Variants in TIA1 observed in about 807,000 individuals in gnomAD.
TIA1 encodes the protein cytotoxic granule associated RNA binding protein TIA1.
In TIA1, 23 loss-of-function variants were observed where a neutral mutation model predicts 65.9. That is an observed-to-expected ratio of 0.35 (90% CI 0.25 to 0.49). The LOEUF is 0.49. Ranked by LOEUF, TIA1 falls within the 20% of genes least tolerant of loss-of-function variation. TIA1 has a pLI of 0.98. For missense variants in TIA1, 371 were observed against 477.9 expected, an observed-to-expected ratio of 0.78 and a Z score of 2.09; for synonymous variants, 147 against 149.4, an observed-to-expected ratio of 0.98 and a Z score of 0.12.
intron 6 of TIA1, chr2:70,225,095 T>C: frequency 2.0e-6 from 2 of 995,412 alleles, no homozygotes; most frequent in South Asian, 7.3e-5. Flanking sequence ...CTAATTAAAC[T>C]ATTTAATTTT....
intron 7 of TIA1, among the ~76,000 whole-genome samples, chr2:70,221,109 C>T (rs1040994609): frequency 6.6e-5 from 10 of 152,040 alleles, no homozygotes; most frequent in African/African-American, 2.2e-4. Context: ...CAGGTTCAAG[C>T]GATTCTCCTG....
chr2:70,212,284 GACAA>G lies in TIA1; in HGVS notation c.*431_*434del, dbSNP rs1380519134. 4.5e-5 allele frequency: 7 copies of G among 154,610 alleles called. No individual in the cohort carries two copies. The highest frequency in any genetic ancestry group is 2.5e-4 in the Admixed American group (4 of 15,760). 9.6% of individuals were successfully genotyped at this position (154,610 alleles called of 1,614,324 possible). ...ACAGAATTGTGCACAAGCTGAAGAT[GACAA>G]ACAACTTCTAGACTCTGCACAGTTT... On this transcript the variant is annotated 3_prime_UTR_variant, in exon 13 of 13. Coordinates refer to ENST00000433529, the MANE Select transcript of TIA1 (RefSeq NM_022173.4).
In TIA1 at chr2:70,216,443, A is replaced by G. The variant is rs770054620; in HGVS notation, c.640T>C (p.Cys214Arg). 1 of 1,614,030 alleles carries G rather than the reference A, an allele frequency of 6.2e-7. No individual in the cohort carries two copies. Among genetic ancestry groups the G allele is most frequent in the African/African-American group, 1.3e-5 (1 of 75,066 alleles). The change falls in exon 9 of 13, where the codon TGT becomes CGT. Residue 214 changes from cysteine to arginine, a missense_variant. Cys to Arg is a radical substitution (Grantham distance 180, BLOSUM62 -3). Transcript: ENST00000433529. ...GTAACACCTCCACAGTATACAGTAC[A>G]GTTGCTTGGACTAGACTGATTTACA... ...EVVNQSSPSN[C>R]TVYCGGVTSG...
intron 5 of TIA1, 131 bp downstream of exon 5, chr2:70,228,928 T>C: frequency 2.7e-6 from 4 of 1,474,660 alleles, no homozygotes; most frequent in Non-Finnish European, 2.7e-6. Context: ...GAGAAAAGTA[T>C]TGCTAGAGAG....
At position 70,209,588 on chromosome 2, in the gene TIA1, G is replaced by A. The variant is rs1675961547; in HGVS notation, c.*3131C>T. 1 of 398,084 alleles carries A rather than the reference G, an allele frequency of 2.5e-6. No homozygotes were observed. The highest frequency in any genetic ancestry group is 2.1e-5 in the African/African-American group (1 of 48,556). The allele number at this position is 398,084 out of a possible 1,614,324, so 24.7% of individuals were successfully genotyped here. On this transcript the variant is annotated 3_prime_UTR_variant, in exon 13 of 13. Transcript: ENST00000433529. ...TAACCTCCTATAAAGAAACGATTGG[G>A]GACTATCATTTTTGTGATTTAACAA...
At chr2:70,223,044 T>C (rs1473210306) in intron 7 of TIA1, among the ~76,000 whole-genome samples, 1 of 152,246 alleles carries the variant, frequency 6.6e-6, no homozygotes, top group Non-Finnish European at 1.5e-5. Context: ...TATTTGACTC[T>C]AGTTCATACT....
intron 2 of TIA1, 40 bp from the exon 3 acceptor site, chr2:70,230,894 T>A: frequency 6.7e-7 from 1 of 1,497,054 alleles, no homozygotes; most frequent in Non-Finnish European, 9.2e-7. Context: ...TTAAGCTTTA[T>A]TCACCCATTA....
chr2:70,232,209 A>T (rs1364536901), intron 2 of TIA1, among the ~76,000 whole-genome samples: 1 of 72,106 alleles, frequency 1.4e-5, no homozygotes, highest in Non-Finnish European at 3.4e-5. Context: ...ACTCTGTCTC[A>T]AAAAAAAAAA....
intron 8 of TIA1, 166 bp downstream of exon 8, chr2:70,216,720 T>A (rs1324665019): frequency 6.6e-7 from 1 of 1,505,372 alleles, no homozygotes; most frequent in Non-Finnish European, 8.9e-7. Context: ...AGAAATAATA[T>A]TATTTATAAT....
chr2:70,218,359 C>T (rs960215938), intron 7 of TIA1, among the ~76,000 whole-genome samples: 4 of 152,074 alleles, frequency 2.6e-5, no homozygotes, highest in Admixed American at 6.6e-5. Context: ...TGGAATCCAG[C>T]GAGCAAAAAA....
In TIA1 at chr2:70,248,575, C is replaced by G; in HGVS notation, c.-145G>C. The G allele has an allele frequency of 8.5e-7, 1 of 1,177,306 alleles. No homozygotes were observed. The allele number at this position is 1,177,306 out of a possible 1,614,324, so 72.9% of individuals were successfully genotyped here. The stretch of plus-strand genomic sequence containing the variant: ...CCGCCTCCTCCTCCGGCGGCAATTA[C>G]ACTAAACCGCCCGGCCCAGCGGGAA... On this transcript the variant is annotated 5_prime_UTR_variant, in exon 1 of 13. Coordinates refer to ENST00000433529, the MANE Select transcript of TIA1 (RefSeq NM_022173.4).
At chr2:70,248,018 TAAG>T (rs199737034) in intron 1 of TIA1, among the ~76,000 whole-genome samples, 1,745 of 150,656 alleles carry the variant, frequency 0.012, 33 homozygotes, top group African/African-American at 0.041. Flanking sequence ...GCTGTAAAGA[TAAG>T]AAGAGGTTAA....
chr2:70,228,946 G>T, intron 5 of TIA1, 113 bp downstream of exon 5: 1 of 1,445,480 alleles, frequency 6.9e-7, no homozygotes. Context: ...GAGACAAATA[G>T]AAATAATATC....
chr2:70,229,243 A>T, intron 4 of TIA1, 21 bp downstream of exon 4: 1 of 1,613,592 alleles, frequency 6.2e-7, no homozygotes, highest in Non-Finnish European at 8.5e-7. Context: ...CAAATGTTCA[A>T]AGAGCATAAA....
chr2:70,228,287 G>C, intron 5 of TIA1: 2 of 1,231,332 alleles, frequency 1.6e-6, no homozygotes, highest in Non-Finnish European at 2.1e-6. Flanking sequence ...ACTGAAGCTA[G>C]CTACATGATA....
chr2:70,230,691 A>T, intron 3 of TIA1, 65 bp downstream of exon 3: 1 of 1,293,956 alleles, frequency 7.7e-7, no homozygotes, highest in Non-Finnish European at 1.1e-6. Context: ...CTAAAAAGGA[A>T]ACAAAATCAT....
chr2:70,222,269 T>C (rs769311853), intron 7 of TIA1, among the ~76,000 whole-genome samples: 1 of 152,042 alleles, frequency 6.6e-6, no homozygotes, highest in Non-Finnish European at 1.5e-5. Flanking sequence ...TGTACTATAA[T>C]AGGAAGAATG....
intron 1 of TIA1, among the ~76,000 whole-genome samples, chr2:70,239,045 A>G (rs1025519946): frequency 4.6e-5 from 7 of 152,146 alleles, no homozygotes; most frequent in Non-Finnish European, 8.8e-5. Context: ...ACTCCATCCC[A>G]GGTGACAGAG....
rs1211552342 is a variant in TIA1, at chr2:70,212,854, G to A, written c.1035-9C>T. On this transcript the variant is annotated splice_polypyrimidine_tract_variant and intron_variant, in intron 12 of 12. Transcript: ENST00000433529. ...CAGAAGACTGTGTCTGACTGGTGGAGAATGTGAAAGAAGCAGAGGGGAGAG... is the reference window on the plus strand; with the variant it reads ...CAGAAGACTGTGTCTGACTGGTGGAAAATGTGAAAGAAGCAGAGGGGAGAG... 2 of 1,593,016 alleles carry A rather than the reference G, an allele frequency of 1.3e-6. No homozygotes were observed. Among genetic ancestry groups the A allele is most frequent in the Non-Finnish European group, 1.7e-6 (2 of 1,161,112 alleles).
Sources: gnomAD v4.1 joint callset for allele counts (sites outside exome capture counted in the v4.1 genomes callset) on GRCh38, gnomAD v4.1.1 for gene constraint, MANE v1.5 for transcripts, NCBI Gene and HGNC (gene_info 2026-07-23, HGNC 2026-07-21) for gene names.